Variants in MAMDC2 observed in about 807,000 individuals in gnomAD.
MAMDC2 encodes MAM domain-containing protein 2.
MAMDC2 carries 57 observed loss-of-function variants against 89.8 expected under a neutral mutation model. The ratio of observed to expected loss-of-function variants is 0.63; its 90% CI spans 0.51 to 0.79. The LOEUF is 0.79. Among genes scored for constraint, MAMDC2 ranks in the 30% least tolerant of loss-of-function variants. The probability of loss-of-function intolerance (pLI) is 0.00; values close to 1 mark genes in which losing one functional copy is unlikely to be tolerated. For missense variants in MAMDC2, 800 were observed against 820.6 expected, an observed-to-expected ratio of 0.97 and a Z score of 0.31; for synonymous variants, 313 against 293.4, an observed-to-expected ratio of 1.07 and a Z score of -0.68.
At chr9:70,197,540 G>A (rs147423228) in intron 11 of MAMDC2, among the ~76,000 whole-genome samples, 3,456 of 152,204 alleles carry the variant, frequency 0.023, 50 homozygotes, top group Non-Finnish European at 0.038. Context: ...ATTTGCCAAA[G>A]TGTTTCACAT....
chr9:70,145,906 G>C (rs1272347139), intron 9 of MAMDC2, among the ~76,000 whole-genome samples: 1 of 152,108 alleles, frequency 6.6e-6, no homozygotes, highest in African/African-American at 2.4e-5. Flanking sequence ...ACCATGCAAT[G>C]TCATGTAAAG....
At chr9:70,095,579 A>T (rs1013263809) in intron 2 of MAMDC2, among the ~76,000 whole-genome samples, 1 of 152,128 alleles carries the variant, frequency 6.6e-6, no homozygotes, top group African/African-American at 2.4e-5. Context: ...GGAGAGTAGG[A>T]TTTGGGAGAA....
At position 70,222,097 on chromosome 9, in the gene MAMDC2, A is replaced by C. The variant is rs77682980; in HGVS notation, c.1911+3501A>C. Among the ~76,000 whole-genome samples, 549 of 152,318 alleles carry C rather than the reference A, an allele frequency of 3.6e-3. 4 individuals carry two copies. Among genetic ancestry groups the C allele is most frequent in the African/African-American group, 0.013 (538 of 41,568 alleles). ...TATGCAGCAGAGGTGAGGAGATGTC[A>C]TCAGAAGCCCACGAGACTTCTTATG... is the stretch of plus-strand genomic sequence containing the variant. On this transcript the variant is annotated intron_variant, in intron 12 of 13. Coordinates refer to ENST00000377182, the MANE Select transcript of MAMDC2 (RefSeq NM_153267.5).
intron 2 of MAMDC2, among the ~76,000 whole-genome samples, chr9:70,097,491 G>A (rs1448674748): frequency 2.6e-5 from 4 of 152,180 alleles, no homozygotes; most frequent in African/African-American, 9.7e-5. Context: ...TAGCTTGGAA[G>A]TTTGTACGTG....
In MAMDC2 at chr9:70,143,629, C is replaced by A; in HGVS notation, c.1214C>A (p.Pro405Gln). Reference sequence around the variant, plus strand: ...GGAAGGCTCTATGGGCCCTCCCTACCAGGAAACTTGCAGTATTGTCTGCGT... The same window carrying A: ...GGAAGGCTCTATGGGCCCTCCCTACAAGGAAACTTGCAGTATTGTCTGCGT... Reference protein sequence around the residue: ...YIGRLYGPSLPGNLQYCLRFH... With the variant: ...YIGRLYGPSLQGNLQYCLRFH... Residue 405 changes from proline to glutamine, a missense_variant, in exon 9 of 14, where the codon CCA becomes CAA. By Grantham distance (76) the Pro-to-Gln change is moderately conservative (BLOSUM62 -1). Coordinates refer to ENST00000377182, the MANE Select transcript of MAMDC2 (RefSeq NM_153267.5). The A allele has an allele frequency of 1.2e-6, 2 of 1,614,172 alleles. No individual in the cohort carries two copies. The highest frequency in any genetic ancestry group is 1.7e-6 in the Non-Finnish European group (2 of 1,180,012).
intron 11 of MAMDC2, among the ~76,000 whole-genome samples, chr9:70,208,804 C>A (rs1331639221): frequency 6.6e-6 from 1 of 152,166 alleles, no homozygotes; most frequent in Non-Finnish European, 1.5e-5. Context: ...AGATATGTCC[C>A]ATCAATACCT....
intron 11 of MAMDC2, among the ~76,000 whole-genome samples, chr9:70,174,026 T>C (rs1927135): frequency 0.86 from 130,417 of 152,230 alleles, 56,113 homozygotes; most frequent in East Asian, 0.96. Flanking sequence ...GTTCAAATCT[T>C]AGTTCTACCT....
At chr9:70,100,517 A>G (rs1828159603) in intron 2 of MAMDC2, among the ~76,000 whole-genome samples, 1 of 152,250 alleles carries the variant, frequency 6.6e-6, no homozygotes, top group South Asian at 2.1e-4. Context: ...TCCTTGTCTT[A>G]GATATGCAAG....
intron 4 of MAMDC2, 67 bp from the exon 5 acceptor site, chr9:70,112,928 T>C: frequency 6.3e-7 from 1 of 1,587,424 alleles, no homozygotes. Flanking sequence ...GAGCAAACTC[T>C]GTAGTAGGAT....
chr9:70,076,420 C>CAA (rs747236748), intron 2 of MAMDC2, among the ~76,000 whole-genome samples: 23 of 124,778 alleles, frequency 1.8e-4, no homozygotes, highest in Non-Finnish European at 3.1e-4. Flanking sequence ...GACTCTGCCT[C>CAA]AAAAAAAAAA....
chr9:70,226,196 CTCTT>C lies in MAMDC2; in HGVS notation c.*166_*169del, dbSNP rs1439450363. The C allele has an allele frequency of 2.2e-6, 1 of 455,146 alleles. No individual in the cohort carries two copies. Among genetic ancestry groups the C allele is most frequent in the African/African-American group, 2.1e-5 (1 of 48,684 alleles). 28.2% of individuals were successfully genotyped at this position (455,146 alleles called of 1,614,324 possible). A position where few individuals can be genotyped will look rare whatever the true frequency, so the allele number is the denominator to read the frequency against. ...TTTGCAAAAACATACTGACTCAGGGCTCTTTTTTTCTTTTTGCATATGACAACTG... is the reference window on the plus strand; with the variant it reads ...TTTGCAAAAACATACTGACTCAGGGCTTTTTCTTTTTGCATATGACAACTG... On this transcript the variant is annotated 3_prime_UTR_variant, in exon 14 of 14. Coordinates refer to ENST00000377182, the MANE Select transcript of MAMDC2 (RefSeq NM_153267.5).
intron 5 of MAMDC2, 60 bp downstream of exon 5, chr9:70,113,192 A>T: frequency 1.9e-6 from 3 of 1,571,854 alleles, no homozygotes; most frequent in Non-Finnish European, 2.6e-6. Context: ...GTCTCCTCCC[A>T]CTTCCTGCAC....
intron 2 of MAMDC2, among the ~76,000 whole-genome samples, chr9:70,047,992 A>G (rs984103745): frequency 1.3e-5 from 2 of 152,156 alleles, no homozygotes; most frequent in Non-Finnish European, 2.9e-5. Context: ...GTAAGTTTTG[A>G]CCAGGCATTG....
intron 10 of MAMDC2, among the ~76,000 whole-genome samples, chr9:70,169,009 C>T (rs575054655): frequency 6.6e-6 from 1 of 152,210 alleles, no homozygotes; most frequent in East Asian, 1.9e-4. Flanking sequence ...CCCCTTTATC[C>T]TCATTTGGAA....
chr9:70,108,560 G>C lies in MAMDC2; in HGVS notation c.420+78G>C, dbSNP rs114028778. 475 of 1,311,016 alleles carry C rather than the reference G, an allele frequency of 3.6e-4. 2 individuals are homozygous for C. In the African/African-American group the frequency reaches 6.3e-3, roughly 17 times the overall value. 81.2% of individuals were successfully genotyped at this position (1,311,016 alleles called of 1,614,324 possible). A position where few individuals can be genotyped will look rare whatever the true frequency, so the allele number is the denominator to read the frequency against. ...ATTCTAAAATCTTATGAAAACTTCT[G>C]ACATGGAGGTTAGTTATCTCCTGGA... On this transcript the variant is annotated intron_variant, in intron 3 of 13. Transcript: ENST00000377182.
intron 5 of MAMDC2, among the ~76,000 whole-genome samples, chr9:70,118,607 A>C (rs2030128106): frequency 6.6e-6 from 1 of 152,176 alleles, no homozygotes; most frequent in South Asian, 2.1e-4. Flanking sequence ...TGGGTGGCAA[A>C]GTAAAGATTA....
intron 8 of MAMDC2, 74 bp from the exon 9 acceptor site, chr9:70,143,480 T>C (rs2031294350): frequency 1.8e-5 from 27 of 1,523,670 alleles, no homozygotes; most frequent in East Asian, 2.3e-5. Flanking sequence ...TAGTTCTACT[T>C]TAATCATATT....
chr9:70,145,151 G>A (rs2031358789), intron 9 of MAMDC2, among the ~76,000 whole-genome samples: 1 of 152,140 alleles, frequency 6.6e-6, no homozygotes, highest in African/African-American at 2.4e-5. Context: ...TACAGAAACG[G>A]CTTCTTATTA....
intron 11 of MAMDC2, among the ~76,000 whole-genome samples, chr9:70,203,986 T>C (rs2033162837): frequency 6.9e-6 from 1 of 145,774 alleles, no homozygotes; most frequent in South Asian, 2.4e-4. Context: ...TCCAACTTCT[T>C]TGCCTTTGGT....
Sources: gnomAD v4.1 joint callset for allele counts (sites outside exome capture counted in the v4.1 genomes callset) on GRCh38, gnomAD v4.1.1 for gene constraint, MANE v1.5 for transcripts, NCBI Gene and HGNC (gene_info 2026-07-23, HGNC 2026-07-21) for gene names.